The following SPI1 variants were observed in gnomAD, a reference collection of about 807,000 sequenced individuals.
SPI1 encodes the protein Spi-1 proto-oncogene, also known as transcription factor PU.1.
In SPI1, 3 loss-of-function variants were observed where a neutral mutation model predicts 30.7. The observed-to-expected ratio is 0.10, with a 90% CI of 0.04 to 0.25. SPI1 has a LOEUF of 0.25. Ranked by LOEUF, SPI1 falls within the 10% of genes least tolerant of loss-of-function variation. The pLI is 1.00. For synonymous variants in SPI1, 169 were observed against 157.1 expected, an observed-to-expected ratio of 1.08 and a Z score of -0.56; for missense variants, 261 against 371.5, an observed-to-expected ratio of 0.70 and a Z score of 2.45.
At position 47,355,774 on chromosome 11, in the gene SPI1, A is replaced by ACCCC. The variant is rs71308363; in HGVS notation, c.494-232_494-229dup. Among the ~76,000 whole-genome samples the ACCCC allele has an allele frequency of 1.8e-4, 26 of 143,048 alleles. No homozygotes were observed. The South Asian group carries it at 4.7e-3, about 26-fold the overall frequency. 93.8% of individuals were successfully genotyped at this position (143,048 alleles called of 152,430 possible). On this transcript the variant is annotated intron_variant, in intron 4 of 4. Coordinates refer to ENST00000378538, the MANE Select transcript of SPI1 (RefSeq NM_003120.3). Reference sequence around the variant, plus strand: ...CACACCCACTCACACCCACGCACTCACCCCCCCCACGCGCACACACTCGCA... The same window carrying ACCCC: ...CACACCCACTCACACCCACGCACTCACCCCCCCCCCCCACGCGCACACACTCGCA...
At position 47,375,824 on chromosome 11, in the gene SPI1, T is replaced by G; in HGVS notation, c.46-95A>C. 1 of 948,990 alleles carries G rather than the reference T, an allele frequency of 1.1e-6. No homozygotes were observed. Among genetic ancestry groups the G allele is most frequent in the South Asian group, 1.3e-5 (1 of 77,118 alleles). 58.8% of individuals were successfully genotyped at this position (948,990 alleles called of 1,614,324 possible). Reference sequence around the variant, plus strand: ...CACGCTGGGTCCCCATCACCTTCCCTGGCTCAGTGGCTGCGTTGGACCTAC... The same window carrying G: ...CACGCTGGGTCCCCATCACCTTCCCGGGCTCAGTGGCTGCGTTGGACCTAC... On this transcript the variant is annotated intron_variant, in intron 1 of 4. Coordinates refer to ENST00000378538, the MANE Select transcript of SPI1 (RefSeq NM_003120.3). The surrounding 1 kb of genome is among the most constrained non-coding windows in gnomAD (Gnocchi z 4.2).
Position 47,355,128 on chromosome 11 carries a change from T to G in SPI1, c.*99A>C. 1 of 1,001,348 alleles carries G rather than the reference T, an allele frequency of 1.0e-6. No individual in the cohort carries two copies. The highest frequency in any genetic ancestry group is 1.3e-6 in the Non-Finnish European group (1 of 778,974). The allele number at this position is 1,001,348 out of a possible 1,614,324, so 62.0% of individuals were successfully genotyped here. On this transcript the variant is annotated 3_prime_UTR_variant, in exon 5 of 5. Transcript: ENST00000378538. ...AGGCCCGGCCCGCCACAGTCCTGCC[T>G]CTGGGCCCCGGGAGCGTCCTCCCTG... is the stretch of plus-strand genomic sequence containing the variant.
At chr11:47,355,740 G>C (rs56877688) in intron 4 of SPI1, among the ~76,000 whole-genome samples, 194 bp from the exon 5 acceptor site, 149,900 of 150,066 alleles carry the variant, frequency 1, 74,867 homozygotes, top group Non-Finnish European at 1. Flanking sequence ...GCACACACAG[G>C]CGTTCACACA....
In SPI1 at chr11:47,374,985, T is replaced by C. The variant is rs1457680077; in HGVS notation, c.142+648A>G. On this transcript the variant is annotated intron_variant, in intron 2 of 4. Coordinates refer to ENST00000378538, the MANE Select transcript of SPI1 (RefSeq NM_003120.3). This position sits in a 1 kb window ranked among gnomAD's most constrained non-coding sequence, Gnocchi z 4.5. ...CCCAGCAGTTCCCAATTAGGGGTGA[T>C]TTTGCCTCCCGGGGGGATCTGCCAA... Among the ~76,000 whole-genome samples the C allele has an allele frequency of 6.6e-6, 1 of 152,110 alleles. No homozygotes were observed. Among genetic ancestry groups the C allele is most frequent in the African/African-American group, 2.4e-5 (1 of 41,444 alleles).
chr11:47,359,818 GTC>G lies in SPI1; in HGVS notation c.330+33_330+34del. 6.3e-7 allele frequency: 1 copy of G among 1,596,512 alleles called. No individual in the cohort carries two copies. The highest frequency in any genetic ancestry group is 8.5e-7 in the Non-Finnish European group (1 of 1,177,174). On this transcript the variant is annotated intron_variant, in intron 3 of 4. Coordinates refer to ENST00000378538, the MANE Select transcript of SPI1 (RefSeq NM_003120.3). This position sits in a 1 kb window ranked among gnomAD's most constrained non-coding sequence, Gnocchi z 5.1. The stretch of plus-strand genomic sequence containing the variant: ...CCCGGGCCCCACCACAGGCCTGGCA[GTC>G]TCCTGGGGGACGGGGCAGGCGGTGG...
chr11:47,361,221 TCA>T (rs978840465), intron 2 of SPI1, among the ~76,000 whole-genome samples: 2 of 151,998 alleles, frequency 1.3e-5, no homozygotes, highest in Non-Finnish European at 2.9e-5. Flanking sequence ...ACACACACAC[TCA>T]CACAGCCTTG....
rs918920488 is a variant in SPI1 at position 47,359,302 on chromosome 11, G to A, written c.331-296C>T. Among the ~76,000 whole-genome samples the A allele has an allele frequency of 1.3e-5, 2 of 152,166 alleles. No homozygotes were observed. Among genetic ancestry groups the A allele is most frequent in the African/African-American group, 4.8e-5 (2 of 41,440 alleles). On this transcript the variant is annotated intron_variant, in intron 3 of 4. Coordinates refer to ENST00000378538, the MANE Select transcript of SPI1 (RefSeq NM_003120.3). This position sits in a 1 kb window ranked among gnomAD's most constrained non-coding sequence, Gnocchi z 5.1. ...GGTGCCTTGTTCTCCTCCCTGCAGCGGTGCTGTGTGGACCCGCATTAGGCT... is the reference window on the plus strand; with the variant it reads ...GGTGCCTTGTTCTCCTCCCTGCAGCAGTGCTGTGTGGACCCGCATTAGGCT...
At chr11:47,373,511 G>A (rs1399308381) in intron 2 of SPI1, among the ~76,000 whole-genome samples, 1 of 151,548 alleles carries the variant, frequency 6.6e-6, no homozygotes, top group Non-Finnish European at 1.5e-5. Flanking sequence ...AGCCAGGCAT[G>A]GTAGTGCACG....
At chr11:47,369,795 CAAAAT>C (rs1011751552) in intron 2 of SPI1, among the ~76,000 whole-genome samples, 4 of 152,154 alleles carry the variant, frequency 2.6e-5, no homozygotes, top group South Asian at 2.1e-4. Flanking sequence ...AGGCAAAACA[CAAAAT>C]AAAACCATCA....
At position 47,358,946 on chromosome 11, in the gene SPI1, AGCTGG is replaced by A; in HGVS notation, c.386_390del (p.Pro129LeufsTer3). On this transcript the variant is annotated frameshift_variant, in exon 4 of 5. Transcript: ENST00000378538. LOFTEE classifies it high-confidence loss of function. ...TGCCGCTCGCCCTCCTCCTCATCTG[AGCTGG>A]GCTGGGCTGGGGACAGGGATGGGTA... 1.9e-6 allele frequency: 3 copies of A among 1,564,444 alleles called. No individual in the cohort carries two copies. Among genetic ancestry groups the A allele is most frequent in the Non-Finnish European group, 2.6e-6 (3 of 1,155,162 alleles).
At chr11:47,357,130 TCACACATGCTCACACCTCATACCTCA>T (rs1303424974) in intron 4 of SPI1, among the ~76,000 whole-genome samples, 34 of 148,612 alleles carry the variant, frequency 2.3e-4, no homozygotes, top group African/African-American at 8.0e-4. Context: ...TGCTCACACC[TCACACATGCTCACACCTCATACCTCA>T]CACACATGCT....
rs1474792183 is a variant in SPI1 at position 47,374,794 on chromosome 11, C to T, written c.142+839G>A. ...AGGCACCTAATGCCTCTCTCCCATC[C>T]CCTGAATTTGCTCCAGGACGGAGGC... On this transcript the variant is annotated intron_variant, in intron 2 of 4. Coordinates refer to ENST00000378538, the MANE Select transcript of SPI1 (RefSeq NM_003120.3). This position sits in a 1 kb window ranked among gnomAD's most constrained non-coding sequence, Gnocchi z 4.5. 6.6e-6 allele frequency among the ~76,000 whole-genome samples: 1 copy of T among 152,264 alleles called. No homozygotes were observed. The highest frequency in any genetic ancestry group is 6.5e-5 in the Admixed American group (1 of 15,292).
intron 4 of SPI1, 76 bp downstream of exon 4, chr11:47,358,768 A>C: frequency 1.4e-6 from 2 of 1,435,090 alleles, no homozygotes; most frequent in Non-Finnish European, 1.9e-6. Context: ...CTGCTGGGTC[A>C]GTTGGCCTGG....
intron 2 of SPI1, among the ~76,000 whole-genome samples, chr11:47,368,965 G>A (rs1301225449): frequency 1.3e-5 from 2 of 152,198 alleles, no homozygotes; most frequent in South Asian, 4.1e-4. Context: ...AGAGTAATAG[G>A]CTGGGCATGG....
In SPI1 at chr11:47,374,272, T is replaced by G. The variant is rs916741248; in HGVS notation, c.142+1361A>C. Reference sequence around the variant, plus strand: ...GCCTGGGTTTCCCACCAAGAGGATGTGTTTTTTACATAATTACAAATAAGC... The same window carrying G: ...GCCTGGGTTTCCCACCAAGAGGATGGGTTTTTTACATAATTACAAATAAGC... On this transcript the variant is annotated intron_variant, in intron 2 of 4. Transcript: ENST00000378538. The surrounding 1 kb of genome is among the most constrained non-coding windows in gnomAD (Gnocchi z 4.5). 2.0e-5 allele frequency among the ~76,000 whole-genome samples: 3 copies of G among 152,122 alleles called. No homozygotes were observed. Among genetic ancestry groups the G allele is most frequent in the African/African-American group, 7.2e-5 (3 of 41,428 alleles).
At chr11:47,361,043 C>T (rs2095920009) in intron 2 of SPI1, among the ~76,000 whole-genome samples, 1 of 151,960 alleles carries the variant, frequency 6.6e-6, no homozygotes, top group Non-Finnish European at 1.5e-5. Flanking sequence ...ATGGTGTGAA[C>T]CCAGGAGGCG....
intron 4 of SPI1, among the ~76,000 whole-genome samples, chr11:47,357,360 T>TATAC (rs2095912784): frequency 6.6e-6 from 1 of 151,568 alleles, no homozygotes; most frequent in Non-Finnish European, 1.5e-5. Flanking sequence ...TCACACCACT[T>TATAC]ACACTTGCAC....
At chr11:47,366,682 G>T (rs548471247) in intron 2 of SPI1, among the ~76,000 whole-genome samples, 2 of 152,146 alleles carry the variant, frequency 1.3e-5, no homozygotes, top group East Asian at 1.9e-4. Flanking sequence ...TTAGCTGGGC[G>T]TGGTGGCAGG....
intron 2 of SPI1, among the ~76,000 whole-genome samples, chr11:47,373,804 G>A (rs187081899): frequency 5.2e-4 from 79 of 152,266 alleles, no homozygotes; most frequent in Middle Eastern, 3.4e-3. Context: ...ATCCAATCAG[G>A]AGTCATTCCT....
Sources: gnomAD v4.1 joint callset for allele counts (sites outside exome capture counted in the v4.1 genomes callset) on GRCh38, gnomAD v4.1.1 for gene constraint, Gnocchi (gnomAD v3.1) non-coding constraint, MANE v1.5 for transcripts, NCBI Gene and HGNC (gene_info 2026-07-23, HGNC 2026-07-21) for gene names.